Variants in TAFA2 observed in about 807,000 individuals in gnomAD.
TAFA2 encodes chemokine-like protein TAFA-2.
In TAFA2, 7 loss-of-function variants were observed where a neutral mutation model predicts 18.8. The ratio of observed to expected loss-of-function variants is 0.37; its 90% CI spans 0.21 to 0.70. The LOEUF (loss-of-function observed/expected upper bound fraction) is 0.70. Among genes scored for constraint, TAFA2 ranks in the 30% least tolerant of loss-of-function variants. The pLI is 0.53. For synonymous variants in TAFA2, 60 were observed against 54.2 expected (o/e 1.11, Z -0.47); for missense variants, 122 against 158.1 (o/e 0.77, Z 1.23).
chr12:62,156,758 C>T (rs548674067), intron 1 of TAFA2, among the ~76,000 whole-genome samples: 2 of 152,132 alleles, frequency 1.3e-5, no homozygotes, highest in Admixed American at 1.3e-4. Flanking sequence ...GCTATGAAGA[C>T]GGATAAAAGA....
At chr12:61,951,226 C>A (rs945007446) in intron 1 of TAFA2, among the ~76,000 whole-genome samples, 1 of 152,180 alleles carries the variant, frequency 6.6e-6, no homozygotes, top group Non-Finnish European at 1.5e-5. Flanking sequence ...TTTTCCCCAA[C>A]AGCTTCATAT....
chr12:62,151,688 T>C (rs1281278926), intron 1 of TAFA2, among the ~76,000 whole-genome samples: 2 of 152,246 alleles, frequency 1.3e-5, no homozygotes, highest in Non-Finnish European at 2.9e-5. Context: ...AAAGTGTTAG[T>C]AAACTAATTT....
intron 4 of TAFA2, among the ~76,000 whole-genome samples, chr12:61,722,660 G>A (rs1419395071): frequency 2.0e-5 from 3 of 152,104 alleles, no homozygotes; most frequent in African/African-American, 4.8e-5. Flanking sequence ...ACATAGAAAT[G>A]TTTTCAGGGA....
At chr12:62,056,660 G>A (rs1168617219) in intron 1 of TAFA2, among the ~76,000 whole-genome samples, 1 of 152,178 alleles carries the variant, frequency 6.6e-6, no homozygotes, top group Non-Finnish European at 1.5e-5. Flanking sequence ...ACTTGGGTCT[G>A]CTCTGACTCA....
At chr12:62,021,591 G>A in intron 1 of TAFA2, 1 of 915,062 alleles carries the variant, frequency 1.1e-6, no homozygotes, top group Non-Finnish European at 1.8e-6. Flanking sequence ...CTGGCTGGGT[G>A]ACGGCAGGCG....
intron 1 of TAFA2, among the ~76,000 whole-genome samples, chr12:62,217,437 G>A (rs903439219): frequency 2.0e-5 from 3 of 152,208 alleles, no homozygotes; most frequent in East Asian, 1.9e-4. Context: ...GGTAGACAGA[G>A]AGAAAAGACA....
chr12:61,786,533 T>C (rs1870746235), intron 2 of TAFA2, among the ~76,000 whole-genome samples: 2 of 151,594 alleles, frequency 1.3e-5, no homozygotes, highest in African/African-American at 2.4e-5. Flanking sequence ...TTAGCATTAG[T>C]AAACAAAGAC....
At chr12:62,224,923 C>A (rs771131745) in intron 1 of TAFA2, among the ~76,000 whole-genome samples, 13 of 151,978 alleles carry the variant, frequency 8.6e-5, no homozygotes, top group Admixed American at 5.2e-4. Flanking sequence ...ATGGGCAATA[C>A]ATTTCTGAAA....
intron 4 of TAFA2, among the ~76,000 whole-genome samples, chr12:61,728,660 G>A (rs916552871): frequency 7.2e-6 from 1 of 139,044 alleles, no homozygotes; most frequent in Non-Finnish European, 1.6e-5. Context: ...CAGATACTTG[G>A]TTGGTGACTT....
chr12:61,753,794 A>G (rs758224580), intron 3 of TAFA2, 48 bp from the exon 4 acceptor site: 1 of 1,564,714 alleles, frequency 6.4e-7, no homozygotes, highest in Admixed American at 1.8e-5. Context: ...CTTGGGACTT[A>G]TTTCTCTTGT....
chr12:62,154,298 G>C (rs941289730), intron 1 of TAFA2, among the ~76,000 whole-genome samples: 2 of 152,118 alleles, frequency 1.3e-5, no homozygotes, highest in African/African-American at 4.8e-5. Context: ...TATGAAGGAA[G>C]GATGGGGGAA....
intron 1 of TAFA2, among the ~76,000 whole-genome samples, chr12:62,185,077 A>C (rs2062577062): frequency 1.3e-5 from 2 of 152,296 alleles, no homozygotes; most frequent in African/African-American, 4.8e-5. Context: ...AAAAGTATAA[A>C]TTCTGACCCA....
chr12:61,938,786 C>G (rs539594630), intron 1 of TAFA2, among the ~76,000 whole-genome samples: 2 of 152,208 alleles, frequency 1.3e-5, no homozygotes, highest in Non-Finnish European at 2.9e-5. Context: ...GGCCATTATT[C>G]TAGGTGAAGT....
At chr12:62,184,989 T>A (rs947390027) in intron 1 of TAFA2, among the ~76,000 whole-genome samples, 1 of 152,138 alleles carries the variant, frequency 6.6e-6, no homozygotes, top group Admixed American at 6.5e-5. Flanking sequence ...TCAAAATTTA[T>A]CTGCTAACCC....
At chr12:62,102,279 A>G (rs144417361) in intron 1 of TAFA2, among the ~76,000 whole-genome samples, 2,312 of 152,268 alleles carry the variant, frequency 0.015, 52 homozygotes, top group African/African-American at 0.053. Flanking sequence ...GCTATTTTTA[A>G]AATATTTTTC....
At chr12:61,878,993 G>T (rs185979464) in intron 1 of TAFA2, among the ~76,000 whole-genome samples, 4 of 152,272 alleles carry the variant, frequency 2.6e-5, no homozygotes, top group African/African-American at 7.2e-5. Flanking sequence ...GTCAAAGTTA[G>T]TAATTAGCAC....
At chr12:61,912,226 A>G (rs113785890) in intron 1 of TAFA2, among the ~76,000 whole-genome samples, 2 of 152,210 alleles carry the variant, frequency 1.3e-5, no homozygotes, top group African/African-American at 4.8e-5. Flanking sequence ...TCATTTATCT[A>G]TAACATGCTA....
intron 1 of TAFA2, among the ~76,000 whole-genome samples, chr12:62,172,693 G>T (rs2062486536): frequency 6.6e-6 from 1 of 152,152 alleles, no homozygotes; most frequent in African/African-American, 2.4e-5. Flanking sequence ...AAAATGCTCA[G>T]TATAAACACA....
rs770249225 is a variant in TAFA2 at position 62,202,211 on chromosome 12, AG to A, written c.-130+56551del. On this transcript the variant is annotated intron_variant, in intron 1 of 5. Transcript: ENST00000551619. ...AGCTCCTGGATTAGCTGATTTTTTA[AG>A]GGTTTTTCATATCCCTATCTACTTC... 2.6e-5 allele frequency among the ~76,000 whole-genome samples: 4 copies of A among 151,996 alleles called. No individual in the cohort carries two copies. In the East Asian group the frequency reaches 7.7e-4, roughly 29 times the overall value.
Sources: allele counts gnomAD v4.1 joint callset (sites outside exome capture counted in the v4.1 genomes callset), GRCh38; gene constraint gnomAD v4.1.1; transcripts MANE v1.5; gene names NCBI Gene and HGNC (gene_info 2026-07-23, HGNC 2026-07-21).